The following GPHN variants were observed in gnomAD, a reference collection of about 807,000 sequenced individuals.
GPHN encodes gephyrin.
A neutral mutation model predicts 95.5 loss-of-function variants in GPHN; 17 were observed. The ratio of observed to expected loss-of-function variants is 0.18; its 90% CI spans 0.12 to 0.27. The LOEUF (loss-of-function observed/expected upper bound fraction) is 0.27. Among genes scored for constraint, GPHN ranks in the 10% least tolerant of loss-of-function variants. The pLI, the probability that GPHN is intolerant of heterozygous loss-of-function variation, is 1.00. For missense variants in GPHN, 660 were observed against 978.1 expected (o/e 0.67, Z 4.34); for synonymous variants, 320 against 322.5 (o/e 0.99, Z 0.08).
the GPHN span, among the ~76,000 whole-genome samples, chr14:67,256,628 A>T: frequency 1.7e-3 from 262 of 152,166 alleles, 5 homozygotes; most frequent in East Asian, 7.9e-3. Context: ...GCTCATTGCA[A>T]CCTTAGCCTC....
chr14:67,466,320 T>C, the GPHN span, among the ~76,000 whole-genome samples: 1 of 152,210 alleles, frequency 6.6e-6, no homozygotes, highest in Non-Finnish European at 1.5e-5. Context: ...GAAAGTGTAT[T>C]ACCAGAATGA....
chr14:67,465,950 G>C, the GPHN span, among the ~76,000 whole-genome samples: 1 of 152,196 alleles, frequency 6.6e-6, no homozygotes, highest in Non-Finnish European at 1.5e-5. Flanking sequence ...GCAGCCACCA[G>C]AGACTGGAAG....
the GPHN span, chr14:67,572,136 C>T: frequency 1.1e-4 from 184 of 1,605,062 alleles, no homozygotes; most frequent in Non-Finnish European, 1.4e-4. Flanking sequence ...CTCGGCAAGG[C>T]GTCTCCATGT....
chr14:67,699,642 G>A, the GPHN span, among the ~76,000 whole-genome samples: 2 of 146,292 alleles, frequency 1.4e-5, no homozygotes, highest in African/African-American at 5.0e-5. Flanking sequence ...AGAAAGTTAT[G>A]TGGATGTAAA....
At chr14:67,724,409 T>A in the GPHN span, 44 of 819,192 alleles carry the variant, frequency 5.4e-5, no homozygotes, top group Non-Finnish European at 7.2e-5. Flanking sequence ...TTTTTTTTTT[T>A]AACGTATCTT....
chr14:67,439,434 T>G, the GPHN span, among the ~76,000 whole-genome samples: 120 of 152,266 alleles, frequency 7.9e-4, 4 homozygotes, highest in East Asian at 0.02. Flanking sequence ...TAATGACAAT[T>G]TACAGACTGA....
chr14:66,996,043 AAGT>A, intron 9 of GPHN: 1 of 574,756 alleles, frequency 1.7e-6, no homozygotes, highest in South Asian at 2.3e-5. Context: ...TTTCAAACTC[AAGT>A]GTCTGCTTAT....
At chr14:66,951,531 A>AT (rs1446126619) in intron 8 of GPHN, among the ~76,000 whole-genome samples, 1 of 151,508 alleles carries the variant, frequency 6.6e-6, no homozygotes, top group East Asian at 1.9e-4. Context: ...AAAAAAAAAA[A>AT]GGAAGGGATA....
chr14:67,727,494 T>G, the GPHN span: 2 of 354,870 alleles, frequency 5.6e-6, no homozygotes, highest in Non-Finnish European at 1.1e-5. Flanking sequence ...TGTTTTTTTT[T>G]TTTTGAGACT....
the GPHN span, among the ~76,000 whole-genome samples, chr14:67,542,972 A>G: frequency 6.6e-6 from 1 of 152,130 alleles, no homozygotes; most frequent in African/African-American, 2.4e-5. Flanking sequence ...CAGCCTCTCA[A>G]AGTGCTGGGA....
the GPHN span, among the ~76,000 whole-genome samples, chr14:67,330,358 T>C: frequency 6.6e-6 from 1 of 151,950 alleles, no homozygotes; most frequent in Non-Finnish European, 1.5e-5. Flanking sequence ...TTTGAAATTA[T>C]AAATTTCCCT....
At chr14:67,668,026 C>T in the GPHN span, among the ~76,000 whole-genome samples, 2 of 152,110 alleles carry the variant, frequency 1.3e-5, no homozygotes, top group African/African-American at 2.4e-5. Context: ...TGGTGTTTAT[C>T]GGCCAGCTGA....
At chr14:67,528,132 G>A in the GPHN span, among the ~76,000 whole-genome samples, 10 of 152,202 alleles carry the variant, frequency 6.6e-5, no homozygotes, top group African/African-American at 2.4e-4. Context: ...GTAGGGCTGG[G>A]AGACTTTCCT....
At chr14:67,271,024 T>C in the GPHN span, 4 of 152,200 alleles carry the variant, frequency 2.6e-5, no homozygotes, top group African/African-American at 4.8e-5. Context: ...GTAAAAGATA[T>C]AGCTAGAAAT....
At chr14:67,627,659 G>GCATA in the GPHN span, among the ~76,000 whole-genome samples, 2 of 152,166 alleles carry the variant, frequency 1.3e-5, no homozygotes, top group Non-Finnish European at 2.9e-5. Flanking sequence ...ACTTAGCAAG[G>GCATA]CATAGTGGCT....
At chr14:67,161,788 G>A (rs2081995297) in intron 19 of GPHN, among the ~76,000 whole-genome samples, 1 of 152,108 alleles carries the variant, frequency 6.6e-6, no homozygotes, top group African/African-American at 2.4e-5. Context: ...TATTTGCAGA[G>A]GGAAAGAAGC....
intron 8 of GPHN, among the ~76,000 whole-genome samples, chr14:66,939,292 A>T (rs117325002): frequency 0.012 from 1,831 of 152,288 alleles, 19 homozygotes; most frequent in Non-Finnish European, 0.018. Flanking sequence ...CTGATAAGAG[A>T]TTAATATCCA....
chr14:67,618,977 G>A, the GPHN span, among the ~76,000 whole-genome samples: 1 of 152,222 alleles, frequency 6.6e-6, no homozygotes, highest in South Asian at 2.1e-4. Flanking sequence ...TAATTTGGTA[G>A]AAATAATGTC....
At chr14:66,783,212 GATATTCC>G (rs1183945156) in intron 3 of GPHN, among the ~76,000 whole-genome samples, 1 of 152,146 alleles carries the variant, frequency 6.6e-6, no homozygotes, top group African/African-American at 2.4e-5. Flanking sequence ...GCAGGCAGCT[GATATTCC>G]ACATCACCCC....
Sources: gnomAD v4.1 joint callset for allele counts (sites outside exome capture counted in the v4.1 genomes callset) on GRCh38, gnomAD v4.1.1 for gene constraint, MANE v1.5 for transcripts, NCBI Gene and HGNC (gene_info 2026-07-23, HGNC 2026-07-21) for gene names.